The following COL25A1 variants were observed in gnomAD, a reference collection of about 807,000 sequenced individuals.
COL25A1 encodes collagen alpha-1(XXV) chain.
Under a neutral mutation model 128.4 loss-of-function variants are expected in COL25A1, and 103 were observed. That is an observed-to-expected ratio of 0.80 (90% CI 0.68 to 0.94). The LOEUF is 0.94. COL25A1 is among the 40% of genes least tolerant of loss of function. The pLI, the probability that COL25A1 is intolerant of heterozygous loss-of-function variation, is 0.00. For missense variants in COL25A1, 745 were observed against 840.0 expected (o/e 0.89, Z 1.40); for synonymous variants, 279 against 277.2 (o/e 1.01, Z -0.06).
chr4:109,296,881 T>C (rs1725036090), intron 3 of COL25A1, among the ~76,000 whole-genome samples: 2 of 152,100 alleles, frequency 1.3e-5, no homozygotes, highest in Admixed American at 6.5e-5. Flanking sequence ...AGTTGAAACA[T>C]AAAAACCTTC....
intron 5 of COL25A1, among the ~76,000 whole-genome samples, chr4:109,030,439 G>A (rs1233705047): frequency 6.6e-6 from 1 of 152,216 alleles, no homozygotes; most frequent in African/African-American, 2.4e-5. Flanking sequence ...GGCAAGGAAT[G>A]AGCTGGGCTT....
At chr4:109,289,099 G>C (rs939904733) in intron 3 of COL25A1, among the ~76,000 whole-genome samples, 1 of 151,840 alleles carries the variant, frequency 6.6e-6, no homozygotes, top group Admixed American at 6.6e-5. Flanking sequence ...ATGGAAAACT[G>C]CATTGTCTAC....
chr4:109,291,791 A>T (rs2126285445), intron 3 of COL25A1, among the ~76,000 whole-genome samples: 1 of 152,216 alleles, frequency 6.6e-6, no homozygotes, highest in African/African-American at 2.4e-5. Context: ...AAGTGACTTT[A>T]AGAAAAAGGA....
chr4:108,950,843 A>G (rs1247184626), intron 8 of COL25A1, among the ~76,000 whole-genome samples: 2 of 152,240 alleles, frequency 1.3e-5, no homozygotes, highest in African/African-American at 2.4e-5. Flanking sequence ...AATGGGTGAC[A>G]GGGAATTGTC....
intron 10 of COL25A1, among the ~76,000 whole-genome samples, chr4:108,939,785 G>T (rs963209803): frequency 4.6e-5 from 7 of 151,882 alleles, no homozygotes; most frequent in South Asian, 4.2e-4. Flanking sequence ...TAAAATTTTT[G>T]ACCTTTTCCA....
chr4:108,845,294 T>G, intron 28 of COL25A1, 43 bp from the exon 29 acceptor site: 1 of 1,529,496 alleles, frequency 6.5e-7, no homozygotes, highest in East Asian at 2.2e-5. Context: ...TAAAGTTATT[T>G]CCAGTGTAAG....
At chr4:109,204,274 A>G (rs1173321799) in intron 3 of COL25A1, among the ~76,000 whole-genome samples, 1 of 152,180 alleles carries the variant, frequency 6.6e-6, no homozygotes, top group Non-Finnish European at 1.5e-5. Context: ...AAAGGATCCC[A>G]AAGTGGCTGG....
Position 109,033,011 on chromosome 4 carries a change from A to T in COL25A1, c.420+15157T>A, listed in dbSNP as rs554164237. Among the ~76,000 whole-genome samples, 513 of 152,362 alleles carry T rather than the reference A, an allele frequency of 3.4e-3. 2 individuals carry two copies. Among genetic ancestry groups the T allele is most frequent in the African/African-American group, 0.012 (479 of 41,588 alleles). ...ATTAATAATTGGTGTGCACAAGTAA[A>T]TTAGGCTATCCCACCAGGTCCTCCA... On this transcript the variant is annotated intron_variant, in intron 5 of 37. Coordinates refer to ENST00000399132, the MANE Select transcript of COL25A1 (RefSeq NM_198721.4).
At chr4:109,046,352 C>T (rs897988196) in intron 5 of COL25A1, among the ~76,000 whole-genome samples, 10 of 152,054 alleles carry the variant, frequency 6.6e-5, no homozygotes, top group Admixed American at 1.3e-4. Context: ...CTCAAGAAAG[C>T]GAGAGCTATA....
intron 32 of COL25A1, among the ~76,000 whole-genome samples, chr4:108,831,912 T>A (rs954188669): frequency 6.6e-6 from 1 of 152,164 alleles, no homozygotes; most frequent in Non-Finnish European, 1.5e-5. Flanking sequence ...CCTTTAGCTT[T>A]AAAAAAGGGG....
At chr4:109,152,336 T>G (rs1224335763) in intron 3 of COL25A1, among the ~76,000 whole-genome samples, 1 of 152,184 alleles carries the variant, frequency 6.6e-6, no homozygotes, top group African/African-American at 2.4e-5. Flanking sequence ...CTCATTAGCA[T>G]ATATTTAATT....
At chr4:109,104,994 AT>A (rs1766282149) in intron 3 of COL25A1, among the ~76,000 whole-genome samples, 1 of 152,194 alleles carries the variant, frequency 6.6e-6, no homozygotes, top group South Asian at 2.1e-4. Flanking sequence ...ACAGATAAAT[AT>A]TGAAATGCCT....
intron 10 of COL25A1, among the ~76,000 whole-genome samples, chr4:108,940,111 A>G (rs533532509): frequency 1.3e-5 from 2 of 152,214 alleles, no homozygotes; most frequent in African/African-American, 4.8e-5. Context: ...TGCTATTGAA[A>G]CTTTGGAAAA....
At chr4:109,066,118 A>C (rs1762427295) in intron 3 of COL25A1, among the ~76,000 whole-genome samples, 1 of 152,180 alleles carries the variant, frequency 6.6e-6, no homozygotes, top group South Asian at 2.1e-4. Context: ...TGCAATCTAG[A>C]ATAATAGTGA....
At chr4:108,992,838 T>G (rs1381763851) in intron 6 of COL25A1, among the ~76,000 whole-genome samples, 1 of 152,066 alleles carries the variant, frequency 6.6e-6, no homozygotes, top group African/African-American at 2.4e-5. Context: ...GTTTTGTTTT[T>G]TTTTTGTTCT....
At chr4:108,847,755 T>G (rs1352784755) in intron 27 of COL25A1, among the ~76,000 whole-genome samples, 1 of 152,232 alleles carries the variant, frequency 6.6e-6, no homozygotes, top group East Asian at 1.9e-4. Flanking sequence ...TATCTATGTT[T>G]CTGTTTACCA....
At chr4:108,827,281 G>C in intron 32 of COL25A1, 93 bp from the exon 33 acceptor site, 1 of 1,082,520 alleles carries the variant, frequency 9.2e-7, no homozygotes, top group Non-Finnish European at 1.4e-6. Flanking sequence ...CTATTTCAAG[G>C]ACCATTCTAT....
At chr4:109,120,583 T>C (rs369345859) in intron 3 of COL25A1, among the ~76,000 whole-genome samples, 8 of 152,038 alleles carry the variant, frequency 5.3e-5, no homozygotes, top group Middle Eastern at 3.4e-3. Flanking sequence ...CCAAGGCTAG[T>C]GGATTGCTTG....
chr4:109,157,615 A>C (rs952885790), intron 3 of COL25A1, among the ~76,000 whole-genome samples: 1 of 152,238 alleles, frequency 6.6e-6, no homozygotes, highest in Non-Finnish European at 1.5e-5. Flanking sequence ...ATAGTAATAC[A>C]TTCAAAAGCA....
Sources: gnomAD v4.1 joint callset for allele counts (sites outside exome capture counted in the v4.1 genomes callset) on GRCh38, gnomAD v4.1.1 for gene constraint, MANE v1.5 for transcripts, NCBI Gene and HGNC (gene_info 2026-07-23, HGNC 2026-07-21) for gene names.